The following SGCD variants were observed in gnomAD, a reference collection of about 807,000 sequenced individuals.
The protein encoded by SGCD is delta-sarcoglycan.
A neutral mutation model predicts 36.6 loss-of-function variants in SGCD; 18 were observed. The ratio of observed to expected loss-of-function variants is 0.49; its 90% CI spans 0.34 to 0.73. The LOEUF (loss-of-function observed/expected upper bound fraction) is 0.73. Among genes scored for constraint, SGCD ranks in the 30% least tolerant of loss-of-function variants. The probability of loss-of-function intolerance (pLI) is 0.01; values close to 1 mark genes in which losing one functional copy is unlikely to be tolerated. For synonymous variants in SGCD, 133 were observed against 130.6 expected (o/e 1.02, Z -0.12); for missense variants, 387 against 346.7 (o/e 1.12, Z -0.92).
chr5:155,874,936 G>A (rs961743264), intron 1 of SGCD, among the ~76,000 whole-genome samples: 6 of 152,020 alleles, frequency 3.9e-5, no homozygotes, highest in South Asian at 2.1e-4. Flanking sequence ...TAAAGAAAGC[G>A]TATGTCCACA....
intron 3 of SGCD, among the ~76,000 whole-genome samples, chr5:156,163,797 G>T (rs1445143477): frequency 4.0e-5 from 6 of 151,362 alleles, no homozygotes; most frequent in African/African-American, 1.5e-4. Flanking sequence ...GAGGCGGGTG[G>T]ATCACAAGGT....
intron 3 of SGCD, among the ~76,000 whole-genome samples, chr5:156,202,619 G>A (rs1392280951): frequency 6.6e-6 from 1 of 152,082 alleles, no homozygotes; most frequent in Non-Finnish European, 1.5e-5. Context: ...TTCCAAATAA[G>A]GTGACAGCTC....
intron 1 of SGCD, among the ~76,000 whole-genome samples, chr5:156,101,265 T>G (rs1326917819): frequency 6.6e-6 from 1 of 152,190 alleles, no homozygotes; most frequent in African/African-American, 2.4e-5. Flanking sequence ...GAAAATAAAG[T>G]GCAAGAGCAG....
chr5:156,419,881 C>T (rs1370743668), intron 3 of SGCD, among the ~76,000 whole-genome samples: 1 of 151,996 alleles, frequency 6.6e-6, no homozygotes, highest in African/African-American at 2.4e-5. Flanking sequence ...TGAGTGTGTA[C>T]AAAGCTTTGA....
At chr5:155,992,607 T>C (rs1414179754) in intron 1 of SGCD, among the ~76,000 whole-genome samples, 10 of 152,224 alleles carry the variant, frequency 6.6e-5, no homozygotes, top group Non-Finnish European at 1.3e-4. Context: ...ATTGGAATTA[T>C]CATCACTAAA....
the SGCD span, among the ~76,000 whole-genome samples, chr5:155,746,959 A>G: frequency 6.6e-6 from 1 of 151,874 alleles, no homozygotes; most frequent in Admixed American, 6.6e-5. Flanking sequence ...CTGCACAGGC[A>G]TTTTCCCTCC....
the SGCD span, among the ~76,000 whole-genome samples, chr5:155,781,989 C>T: frequency 2.7e-5 from 4 of 150,622 alleles, no homozygotes; most frequent in South Asian, 8.4e-4. Context: ...TTTCCACATT[C>T]ATTTCAATCA....
At chr5:155,788,295 TC>T in the SGCD span, among the ~76,000 whole-genome samples, 1 of 152,174 alleles carries the variant, frequency 6.6e-6, no homozygotes, top group Non-Finnish European at 1.5e-5. Flanking sequence ...TCCCCACAGA[TC>T]AAGCTACTGA....
chr5:156,583,023 A>G (rs1301127612), intron 4 of SGCD, among the ~76,000 whole-genome samples: 7 of 152,206 alleles, frequency 4.6e-5, no homozygotes, highest in African/African-American at 1.7e-4. Context: ...CAGAAAGCAA[A>G]TTTTAAGCTG....
At chr5:155,731,893 A>G in the SGCD span, among the ~76,000 whole-genome samples, 1 of 152,084 alleles carries the variant, frequency 6.6e-6, no homozygotes, top group East Asian at 1.9e-4. Context: ...TGTAGATGGT[A>G]TAGCACCCTT....
At chr5:155,732,685 C>T in the SGCD span, among the ~76,000 whole-genome samples, 1 of 152,114 alleles carries the variant, frequency 6.6e-6, no homozygotes, top group South Asian at 2.1e-4. Flanking sequence ...TGCTGGACTC[C>T]CCTAAAGGCT....
At chr5:156,307,161 C>A (rs1291224588) in intron 3 of SGCD, among the ~76,000 whole-genome samples, 4 of 151,898 alleles carry the variant, frequency 2.6e-5, no homozygotes, top group Admixed American at 2.6e-4. Context: ...TCCACCTCAG[C>A]CTCCCAAGTA....
chr5:156,308,066 T>C (rs1408809071), intron 3 of SGCD, among the ~76,000 whole-genome samples: 1 of 152,214 alleles, frequency 6.6e-6, no homozygotes, highest in Non-Finnish European at 1.5e-5. Context: ...CCCTTGTATT[T>C]ACCTTTATTA....
At chr5:156,193,010 A>G (rs993544804) in intron 3 of SGCD, among the ~76,000 whole-genome samples, 3 of 151,718 alleles carry the variant, frequency 2.0e-5, no homozygotes, top group African/African-American at 7.3e-5. Context: ...TTTTAATTTC[A>G]TCTAACTTCT....
intron 3 of SGCD, among the ~76,000 whole-genome samples, chr5:156,465,644 G>T (rs1754689550): frequency 6.6e-6 from 1 of 152,244 alleles, no homozygotes; most frequent in East Asian, 1.9e-4. Flanking sequence ...CTCCAAGACT[G>T]TTGCCGCTCT....
the SGCD span, among the ~76,000 whole-genome samples, chr5:155,773,920 G>A: frequency 6.6e-6 from 1 of 152,220 alleles, no homozygotes; most frequent in Admixed American, 6.5e-5. Flanking sequence ...GTGTGAAAAT[G>A]TTGTGAGGGG....
intron 3 of SGCD, among the ~76,000 whole-genome samples, chr5:156,362,555 A>C (rs904477386): frequency 3.9e-5 from 6 of 152,214 alleles, no homozygotes; most frequent in Non-Finnish European, 8.8e-5. Flanking sequence ...CTGAGGCAGA[A>C]GAATCACTTG....
chr5:156,635,380 G>C (rs1762786673), intron 6 of SGCD, among the ~76,000 whole-genome samples: 2 of 152,122 alleles, frequency 1.3e-5, no homozygotes, highest in African/African-American at 2.4e-5. Flanking sequence ...AAAAGTCAGG[G>C]AACAACAGAT....
chr5:155,821,494 T>C, the SGCD span, among the ~76,000 whole-genome samples: 5 of 152,108 alleles, frequency 3.3e-5, no homozygotes, highest in African/African-American at 1.2e-4. Context: ...TTTGTACTTT[T>C]AGTAGAGATG....
Sources: gnomAD v4.1 joint callset for allele counts (sites outside exome capture counted in the v4.1 genomes callset) on GRCh38, gnomAD v4.1.1 for gene constraint, MANE v1.5 for transcripts, NCBI Gene and HGNC (gene_info 2026-07-23, HGNC 2026-07-21) for gene names.